CLEC12A: variants seen among roughly 807,000 people sequenced by gnomAD.
CLEC12A encodes C-type lectin protein CLL-1.
Under a neutral mutation model 26.5 loss-of-function variants are expected in CLEC12A, and 22 were observed. The observed-to-expected ratio is 0.83, with a 90% CI of 0.59 to 1.19. The LOEUF is 1.19. Ranked by LOEUF, CLEC12A falls within the 50% of genes most tolerant of loss-of-function variation. The pLI, the probability that CLEC12A is intolerant of heterozygous loss-of-function variation, is 0.00. For missense variants in CLEC12A, 353 were observed against 315.6 expected, an observed-to-expected ratio of 1.12 and a Z score of -0.90; for synonymous variants, 119 against 101.9, an observed-to-expected ratio of 1.17 and a Z score of -1.01.
chr12:9,995,091 A>C (rs1591849098), exon 5 of CLEC12A: 1 of 1,604,964 alleles, frequency 6.2e-7, no homozygotes, highest in East Asian at 2.2e-5. Context: ...GAATCTCAAG[A>C]ATAAGAGTTT....
At chr12:9,968,951 C>G (rs2137128635), upstream of CLEC12A, among the ~76,000 whole-genome samples, 1 of 152,220 alleles carries the variant, frequency 6.6e-6, no homozygotes, top group African/African-American at 2.4e-5. Flanking sequence ...TTTGCAGAAA[C>G]AGGAGTGGAA....
In CLEC12A at chr12:9,954,205, T is replaced by TAAAAAAAAAAA. The variant is rs35173002; in HGVS notation, c.10+2867_10+2877dup. Among the ~76,000 whole-genome samples the TAAAAAAAAAAA allele has an allele frequency of 4.7e-5, 3 of 64,414 alleles. 1 individual carries two copies. Among genetic ancestry groups the TAAAAAAAAAAA allele is most frequent in the African/African-American group, 1.1e-4 (2 of 17,830 alleles). The allele number at this position is 64,414 out of a possible 152,430, so 42.3% of individuals were successfully genotyped here. On this transcript the variant is annotated intron_variant, in intron 1 of 6. Coordinates refer to the CLEC12A transcript ENST00000355690. ...GTGAGAAACACCCAAGAATTATCAATAAAAAAAAAAAAAAAAAAAAAAAAA... is the reference window on the plus strand; with the variant it reads ...GTGAGAAACACCCAAGAATTATCAATAAAAAAAAAAAAAAAAAAAAAAAAAAAAAAAAAAAA...
At chr12:9,956,346 TG>T (rs1303980198) in intron 1 of CLEC12A, among the ~76,000 whole-genome samples, 1 of 152,220 alleles carries the variant, frequency 6.6e-6, no homozygotes, top group Non-Finnish European at 1.5e-5. Context: ...ACATTGTACA[TG>T]GAATCATACA....
chr12:9,965,041 C>T (rs193065465), intron 1 of CLEC12A, among the ~76,000 whole-genome samples: 17 of 152,066 alleles, frequency 1.1e-4, no homozygotes, highest in East Asian at 5.8e-4. Context: ...AAAGTGTATG[C>T]GTCAGGTGGG....
At chr12:9,966,375 GC>G (rs1863951239) in intron 1 of CLEC12A, among the ~76,000 whole-genome samples, 1 of 147,752 alleles carries the variant, frequency 6.8e-6, no homozygotes, top group African/African-American at 2.5e-5. Context: ...CAGTCAGAGA[GC>G]CTTGGGGCAG....
upstream of CLEC12A, among the ~76,000 whole-genome samples, chr12:9,968,367 G>C (rs1049013103): frequency 1.4e-5 from 2 of 139,344 alleles, no homozygotes; most frequent in Non-Finnish European, 3.1e-5. Context: ...TCTGCAAAGA[G>C]AGTCAGCGAA....
At chr12:9,987,476 A>T (rs902435214), downstream of CLEC12A, among the ~76,000 whole-genome samples, 3 of 152,156 alleles carry the variant, frequency 2.0e-5, no homozygotes, top group Non-Finnish European at 4.4e-5. Context: ...GAAATGGAGG[A>T]TTTGTCCTGA....
intron 5 of CLEC12A, chr12:9,983,820 T>A (rs1464543210): frequency 3.1e-6 from 1 of 321,552 alleles, no homozygotes; most frequent in Non-Finnish European, 5.8e-6. Flanking sequence ...CTACCTCTGA[T>A]GGTTGGCAAT....
At chr12:9,970,044 T>C (rs1227586625), upstream of CLEC12A, among the ~76,000 whole-genome samples, 1 of 152,256 alleles carries the variant, frequency 6.6e-6, no homozygotes, top group Non-Finnish European at 1.5e-5. Context: ...TTCCTTTAAA[T>C]GTGGCTGCCA....
chr12:9,981,976 A>C (rs2137194013), intron 4 of CLEC12A, 44 bp from the exon 5 acceptor site: 1 of 965,598 alleles, frequency 1.0e-6, no homozygotes, highest in South Asian at 1.5e-5. Flanking sequence ...AAAATACAAA[A>C]GTAGGAGACT....
intron 1 of CLEC12A, among the ~76,000 whole-genome samples, chr12:9,961,514 G>GT (rs1329152280): frequency 6.6e-6 from 1 of 152,084 alleles, no homozygotes; most frequent in Admixed American, 6.6e-5. Flanking sequence ...ATTGCAACTT[G>GT]TATCAGATGA....
intron 1 of CLEC12A, among the ~76,000 whole-genome samples, chr12:9,972,004 T>C (rs1591822875): frequency 6.6e-6 from 1 of 151,778 alleles, no homozygotes; most frequent in East Asian, 1.9e-4. Context: ...GATGAAGCCA[T>C]GGAAAAAGAA....
rs1438616158 is a variant in CLEC12A at position 9,983,162 on chromosome 12, G to C, written c.641+1033G>C. Reference sequence around the variant, plus strand: ...TTAATATAATAATTCCTTTCCCTTTGGTTAGATACCCAATAGTGGAATTGC... The same window carrying C: ...TTAATATAATAATTCCTTTCCCTTTCGTTAGATACCCAATAGTGGAATTGC... On this transcript the variant is annotated intron_variant, in intron 5 of 5. Coordinates refer to ENST00000304361, the MANE Select transcript of CLEC12A (RefSeq NM_138337.6). Among the ~76,000 whole-genome samples the C allele has an allele frequency of 4.0e-5, 6 of 151,562 alleles. No individual in the cohort carries two copies. The East Asian group carries it at 1.2e-3, about 29-fold the overall frequency.
chr12:9,962,910 A>C (rs907534583), intron 1 of CLEC12A, among the ~76,000 whole-genome samples: 5 of 152,070 alleles, frequency 3.3e-5, no homozygotes, highest in African/African-American at 9.7e-5. Context: ...GACGGCAAAA[A>C]TTTTGGGGGC....
chr12:9,992,981 C>A, intron 4 of CLEC12A: 1 of 627,812 alleles, frequency 1.6e-6, no homozygotes, highest in Non-Finnish European at 2.7e-6. Flanking sequence ...TCTGTATATT[C>A]AAAGAAGGGA....
In CLEC12A at chr12:9,971,722, G is replaced by A. The variant is rs761510038; in HGVS notation, c.91+35G>A. ...TGAGTTATGGATGTGTTGTAAGTTT[G>A]TATAATAGAAGTGGTTATAGACTTG... On this transcript the variant is annotated intron_variant, in intron 1 of 5. Transcript: ENST00000304361. 51 of 1,585,414 alleles carry A rather than the reference G, an allele frequency of 3.2e-5. 1 individual carries two copies. The highest frequency in any genetic ancestry group is 3.9e-4 in the Middle Eastern group (2 of 5,076).
downstream of CLEC12A, chr12:9,997,198 T>TG: frequency 6.2e-7 from 1 of 1,614,030 alleles, no homozygotes; most frequent in Non-Finnish European, 8.5e-7. Context: ...TACCACATAT[T>TG]GACAGAAGCG....
chr12:9,983,082 A>G (rs2137200390), intron 5 of CLEC12A, among the ~76,000 whole-genome samples: 1 of 152,266 alleles, frequency 6.6e-6, no homozygotes, highest in Admixed American at 6.5e-5. Flanking sequence ...CAGTTCCATG[A>G]CTTTGCTATT....
At chr12:9,975,720 G>A (rs1372501301) in intron 1 of CLEC12A, among the ~76,000 whole-genome samples, 2 of 152,082 alleles carry the variant, frequency 1.3e-5, no homozygotes, top group African/African-American at 4.8e-5. Context: ...AATGATAATC[G>A]CCAAGGCAAT....
Sources: gnomAD v4.1 joint callset for allele counts (sites outside exome capture counted in the v4.1 genomes callset) on GRCh38, gnomAD v4.1.1 for gene constraint, MANE v1.5 for transcripts, NCBI Gene and HGNC (gene_info 2026-07-23, HGNC 2026-07-21) for gene names.